BPIFB2: variants seen among roughly 807,000 people sequenced by gnomAD.
BPIFB2 encodes the protein BPI fold-containing family B member 2.
In BPIFB2, 39 loss-of-function variants were observed where a neutral mutation model predicts 50.1. The ratio of observed to expected loss-of-function variants is 0.78; its 90% CI spans 0.60 to 1.02. BPIFB2 has a LOEUF of 1.02. BPIFB2 is among the 50% of genes least tolerant of loss of function. The pLI is 0.00. For synonymous variants in BPIFB2, 280 were observed against 256.3 expected, an observed-to-expected ratio of 1.09 and a Z score of -0.88; for missense variants, 574 against 585.8, an observed-to-expected ratio of 0.98 and a Z score of 0.21.
At chr20:33,016,924 G>T in intron 6 of BPIFB2, 118 bp from the exon 7 acceptor site, 2 of 867,186 alleles carry the variant, frequency 2.3e-6, no homozygotes, top group Non-Finnish European at 1.8e-6. Flanking sequence ...AGGGATTCCA[G>T]GCATGGTGTA....
At position 33,009,285 on chromosome 20, in the gene BPIFB2, C is replaced by G. The variant is rs760774382; in HGVS notation, c.109+602C>G. Among the ~76,000 whole-genome samples, 10 of 152,200 alleles carry G rather than the reference C, an allele frequency of 6.6e-5. No individual in the cohort carries two copies. Among genetic ancestry groups the G allele is most frequent in the Non-Finnish European group, 1.2e-4 (8 of 68,026 alleles). On this transcript the variant is annotated intron_variant, in intron 2 of 15. Coordinates refer to ENST00000170150, the MANE Select transcript of BPIFB2 (RefSeq NM_025227.3). This position sits in a 1 kb window ranked among gnomAD's most constrained non-coding sequence, Gnocchi z 4.2. ...CTGTCTTACGGCTGTGCTGCTAGAT[C>G]CTTCCAAGTCTTGCCCCAATCCCCT...
chr20:33,021,390 A>G (rs765399234), intron 14 of BPIFB2, 46 bp downstream of exon 14: 13 of 1,564,184 alleles, frequency 8.3e-6, no homozygotes, highest in Non-Finnish European at 3.5e-6. Context: ...GGCCCCCTCC[A>G]TATCCCACAT....
chr20:33,008,786 A>G (rs780900731), intron 2 of BPIFB2, 103 bp downstream of exon 2: 37 of 982,828 alleles, frequency 3.8e-5, no homozygotes, highest in African/African-American at 5.0e-5. Context: ...ATGAGGACCC[A>G]GATTTTAATT....
chr20:33,011,558 A>T (rs1990288620), intron 3 of BPIFB2, among the ~76,000 whole-genome samples: 1 of 152,076 alleles, frequency 6.6e-6, no homozygotes, highest in Non-Finnish European at 1.5e-5. Flanking sequence ...AAACTTAGAC[A>T]CCCCTGGGCT....
At chr20:33,013,133 T>G (rs2146350521) in intron 4 of BPIFB2, among the ~76,000 whole-genome samples, 1 of 152,252 alleles carries the variant, frequency 6.6e-6, no homozygotes, top group African/African-American at 2.4e-5. Context: ...ACTTGGCTTG[T>G]TTACCCCCTC....
Position 33,018,351 on chromosome 20 carries a change from GTAA to G in BPIFB2, c.669+2_669+4del. Reference sequence around the variant, plus strand: ...TGACTACATTTCCCTGGAAGTCAATGTAAGTGCCTCCTGGCCAGCCCAGAGCTG... The same window carrying G: ...TGACTACATTTCCCTGGAAGTCAATGGTGCCTCCTGGCCAGCCCAGAGCTG... On this transcript the variant is annotated splice_donor_variant and splice_donor_region_variant and intron_variant, in intron 8 of 15. Transcript: ENST00000170150. LOFTEE classifies it high-confidence loss of function. 1 of 1,610,840 alleles carries G rather than the reference GTAA, an allele frequency of 6.2e-7. No homozygotes were observed. The highest frequency in any genetic ancestry group is 8.5e-7 in the Non-Finnish European group (1 of 1,177,064).
Position 33,019,587 on chromosome 20 carries a change from G to T in BPIFB2, c.917G>T (p.Arg306Leu). The T allele has an allele frequency of 1.9e-6, 3 of 1,582,864 alleles. No homozygotes were observed. Among genetic ancestry groups the T allele is most frequent in the South Asian group, 1.1e-5 (1 of 87,094 alleles). Reference protein sequence around the residue: ...ALGRLIPEVARQFPEPMPVVL... With the variant: ...ALGRLIPEVALQFPEPMPVVL... ...CCGCCTCTGCCTCCCCAGGTGGCCC[G>T]CCAGTTTCCCGAGCCCATGCCTGTG... is the stretch of plus-strand genomic sequence containing the variant. Residue 306 changes from arginine to leucine, a missense_variant, in exon 11 of 16, where the codon CGC becomes CTC. Arg to Leu is a moderately radical substitution (Grantham distance 102). Coordinates refer to ENST00000170150, the MANE Select transcript of BPIFB2 (RefSeq NM_025227.3).
rs200841864 is a variant in BPIFB2, at chr20:33,019,101, C to T, written c.895C>T (p.Arg299Trp). ...DNLLNTSALG[R>W]LIPEVARQFP... is the part of the protein sequence containing the mutation. ...CCTGCTGAACACCTCTGCTCTGGGC[C>T]GGCTCATCCCGGAGGTCGGTGATGT... is the stretch of plus-strand genomic sequence containing the variant. Residue 299 changes from arginine (R) to tryptophan (W), a missense_variant, in exon 10 of 16, where the codon CGG becomes TGG. Physicochemically the swap from Arg to Trp is moderately radical, Grantham distance 101. Coordinates refer to ENST00000170150, the MANE Select transcript of BPIFB2 (RefSeq NM_025227.3). 4.3e-5 allele frequency: 69 copies of T among 1,614,090 alleles called. No homozygotes were observed. The highest frequency in any genetic ancestry group is 1.5e-4 in the South Asian group (14 of 91,068).
intron 13 of BPIFB2, among the ~76,000 whole-genome samples, 163 bp downstream of exon 13, chr20:33,020,750 C>A (rs1170185493): frequency 1.3e-5 from 2 of 152,210 alleles, no homozygotes. Flanking sequence ...GTCAGTCCAT[C>A]TGCCTGATAC....
Position 33,019,771 on chromosome 20 carries a change from C to T in BPIFB2, c.1080+21C>T, listed in dbSNP as rs377043917. 2.0e-5 allele frequency: 32 copies of T among 1,561,104 alleles called. No homozygotes were observed. The Admixed American group carries it at 5.0e-4, about 24-fold the overall frequency. On this transcript the variant is annotated intron_variant, in intron 11 of 15. Coordinates refer to ENST00000170150, the MANE Select transcript of BPIFB2 (RefSeq NM_025227.3). The stretch of plus-strand genomic sequence containing the variant: ...ATGTGGTGAGTGCGGTGGGGCTGGT[C>T]GGAAGGCAGGCAACTGTCACAGAGA...
chr20:33,012,741 C>T (rs1990304629), intron 3 of BPIFB2, 62 bp from the exon 4 acceptor site: 1 of 1,353,492 alleles, frequency 7.4e-7, no homozygotes, highest in Non-Finnish European at 1.1e-6. Flanking sequence ...AGAGCACCCA[C>T]CCCAGAGTTG....
Position 33,012,978 on chromosome 20 carries a change from G to T in BPIFB2, c.308+71G>T, listed in dbSNP as rs1232032294. The T allele has an allele frequency of 2.2e-6, 3 of 1,337,460 alleles. No homozygotes were observed. The African/African-American group carries it at 4.3e-5, about 19-fold the overall frequency. 82.8% of individuals were successfully genotyped at this position (1,337,460 alleles called of 1,614,324 possible). On this transcript the variant is annotated intron_variant, in intron 4 of 15. Transcript: ENST00000170150. Reference sequence around the variant, plus strand: ...CTCCGAGGGATACAGTGAGGGGACGGGGGGTAGCAACTCCTCCAGGGCCCT... The same window carrying T: ...CTCCGAGGGATACAGTGAGGGGACGTGGGGTAGCAACTCCTCCAGGGCCCT...
In BPIFB2 at chr20:33,013,901, A is replaced by G. The variant is rs1990321991; in HGVS notation, c.400A>G (p.Ile134Val). The G allele has an allele frequency of 1.9e-6, 3 of 1,614,020 alleles. No homozygotes were observed. Among genetic ancestry groups the G allele is most frequent in the East Asian group, 4.5e-5 (2 of 44,894 alleles). Residue 134 changes from isoleucine (I) to valine (V), a missense_variant, in exon 5 of 16, where the codon ATC (isoleucine) becomes GTC (valine). By Grantham distance (29) the Ile-to-Val change is conservative. Coordinates refer to ENST00000170150, the MANE Select transcript of BPIFB2 (RefSeq NM_025227.3). ...CTCCATCAGGACCCCTGTGGTCAGC[A>G]TCTCTGCCTGCTCTTTATTCTCGGG... is the stretch of plus-strand genomic sequence containing the variant. Reference protein sequence around the residue: ...QSSIRTPVVSISACSLFSGHA... With the variant: ...QSSIRTPVVSVSACSLFSGHA...
chr20:33,018,352 T>G lies in BPIFB2; in HGVS notation c.669+2T>G. The G allele has an allele frequency of 6.2e-7, 1 of 1,610,488 alleles. No individual in the cohort carries two copies. Among genetic ancestry groups the G allele is most frequent in the Non-Finnish European group, 8.5e-7 (1 of 1,176,736 alleles). On this transcript the variant is annotated splice_donor_variant, in intron 8 of 15. Transcript: ENST00000170150. LOFTEE classifies it high-confidence loss of function. ...GACTACATTTCCCTGGAAGTCAATG[T>G]AAGTGCCTCCTGGCCAGCCCAGAGC...
chr20:33,012,870 C>T lies in BPIFB2; in HGVS notation c.271C>T (p.Leu91=), dbSNP rs2146350325. The T allele has an allele frequency of 3.1e-6, 5 of 1,614,028 alleles. No homozygotes were observed. The East Asian group carries it at 8.9e-5, about 29-fold the overall frequency. ...LKFIAGFGVR[L]LAAANFTFKV... ...ATTCATTGCTGGTTTCGGAGTGCGC[C>T]TGCTGGCAGCAGCTAATTTTACTTT... Residue 91 remains leucine (L), a synonymous_variant, in exon 4 of 16, where the codon CTG becomes TTG. Transcript: ENST00000170150.
Position 33,008,536 on chromosome 20 carries a change from C to T in BPIFB2, c.-34-5C>T, listed in dbSNP as rs1315951234. On this transcript the variant is annotated splice_region_variant and splice_polypyrimidine_tract_variant and intron_variant, in intron 1 of 15. Coordinates refer to ENST00000170150, the MANE Select transcript of BPIFB2 (RefSeq NM_025227.3). ...TGAGCTCCCTGATGCTCATTTCTAC[C>T]CCAGCCCACAGATCCTGTGGGCAGC... 1.3e-6 allele frequency: 2 copies of T among 1,522,004 alleles called. No individual in the cohort carries two copies. The highest frequency in any genetic ancestry group is 1.4e-5 in the African/African-American group (1 of 72,624). 94.3% of individuals were successfully genotyped at this position (1,522,004 alleles called of 1,614,324 possible).
At chr20:33,019,164 TG>T (rs780623814) in intron 10 of BPIFB2, 49 bp downstream of exon 10, 23 of 1,609,554 alleles carry the variant, frequency 1.4e-5, no homozygotes, top group Non-Finnish European at 2.0e-5. Flanking sequence ...GGGACTGGGG[TG>T]GGGGTTCTCT....
chr20:33,021,548 T>C (rs564298288), intron 14 of BPIFB2, among the ~76,000 whole-genome samples, 175 bp from the exon 15 acceptor site: 4 of 152,346 alleles, frequency 2.6e-5, no homozygotes, highest in African/African-American at 9.6e-5. Context: ...AGCTGTGTGA[T>C]CTTCACCAAG....
At chr20:33,020,133 C>T (rs73254519) in intron 11 of BPIFB2, among the ~76,000 whole-genome samples, 195 bp from the exon 12 acceptor site, 4 of 152,182 alleles carry the variant, frequency 2.6e-5, no homozygotes, top group East Asian at 1.9e-4. Flanking sequence ...GCTGGCGGCT[C>T]GTTCCCAGGG....
Sources: gnomAD v4.1 joint callset for allele counts (sites outside exome capture counted in the v4.1 genomes callset) on GRCh38, gnomAD v4.1.1 for gene constraint, Gnocchi (gnomAD v3.1) non-coding constraint, MANE v1.5 for transcripts, NCBI Gene and HGNC (gene_info 2026-07-23, HGNC 2026-07-21) for gene names.